FHIT: variants seen among roughly 807,000 people sequenced by gnomAD.
FHIT encodes the protein bis(5'-adenosyl)-triphosphatase.
In FHIT, 19 loss-of-function variants were observed where a neutral mutation model predicts 17.9. The observed-to-expected ratio is 1.06, with a 90% CI of 0.74 to 1.56. The LOEUF (loss-of-function observed/expected upper bound fraction) is 1.56, where lower values mean the gene tolerates loss of function less well. Ranked by LOEUF, FHIT falls within the 40% of genes most tolerant of loss-of-function variation. FHIT has a pLI of 0.00. For synonymous variants in FHIT, 81 were observed against 69.7 expected (o/e 1.16, Z -0.81); for missense variants, 248 against 189.2 (o/e 1.31, Z -1.82).
intron 3 of FHIT, among the ~76,000 whole-genome samples, chr3:60,977,852 C>G (rs892910500): frequency 4.6e-5 from 7 of 152,096 alleles, no homozygotes; most frequent in Non-Finnish European, 8.8e-5. Context: ...GCCTGGACAA[C>G]GAGAGCGAAA....
intron 5 of FHIT, among the ~76,000 whole-genome samples, chr3:60,373,980 G>A (rs1320900056): frequency 6.6e-6 from 1 of 152,060 alleles, no homozygotes; most frequent in Non-Finnish European, 1.5e-5. Context: ...TCTAGTATGT[G>A]GTGAATCTGG....
In FHIT at chr3:61,209,640, C is replaced by T. The variant is rs372542616; in HGVS notation, c.-212-8975G>A. 5.9e-5 allele frequency among the ~76,000 whole-genome samples: 9 copies of T among 152,266 alleles called. No individual in the cohort carries two copies. In the East Asian group the frequency reaches 9.6e-4, roughly 16 times the overall value. ...GCTTGTGCGTTCGTCACGTGGTTCT[C>T]GTGCCTTGGTTTTCAGCTCCATCAA... is the stretch of plus-strand genomic sequence containing the variant. On this transcript the variant is annotated intron_variant, in intron 1 of 9. Coordinates refer to ENST00000492590, the MANE Select transcript of FHIT (RefSeq NM_002012.4).
intron 1 of FHIT, among the ~76,000 whole-genome samples, chr3:61,239,578 G>T (rs2040317143): frequency 6.6e-6 from 1 of 151,554 alleles, no homozygotes; most frequent in South Asian, 2.1e-4. Context: ...CTTCCTTCTT[G>T]TACTTGACAT....
At chr3:61,122,376 AT>A (rs1292194095) in intron 2 of FHIT, among the ~76,000 whole-genome samples, 2 of 152,244 alleles carry the variant, frequency 1.3e-5, no homozygotes, top group Non-Finnish European at 2.9e-5. Context: ...ACAGACTTAA[AT>A]GTTAGACCTA....
At chr3:60,067,082 C>T (rs1702547485) in intron 5 of FHIT, among the ~76,000 whole-genome samples, 1 of 152,096 alleles carries the variant, frequency 6.6e-6, no homozygotes, top group South Asian at 2.1e-4. Context: ...CCCAAATGCA[C>T]AGCATAAGAA....
At chr3:61,234,035 A>T (rs1178796572) in intron 1 of FHIT, among the ~76,000 whole-genome samples, 1 of 152,232 alleles carries the variant, frequency 6.6e-6, no homozygotes, top group Non-Finnish European at 1.5e-5. Flanking sequence ...TACATGACAC[A>T]TTAAGGCCAG....
intron 4 of FHIT, among the ~76,000 whole-genome samples, chr3:60,558,156 A>T (rs1382145098): frequency 6.6e-6 from 1 of 151,972 alleles, no homozygotes; most frequent in African/African-American, 2.4e-5. Context: ...TGTTAGAAAC[A>T]GCTCATGGAA....
intron 5 of FHIT, among the ~76,000 whole-genome samples, chr3:60,261,392 C>T (rs1056155231): frequency 2.0e-5 from 3 of 151,898 alleles, no homozygotes; most frequent in African/African-American, 4.8e-5. Flanking sequence ...ATTTCAGAGA[C>T]GGTGAGTATT....
chr3:61,127,403 T>A (rs897535879), intron 2 of FHIT, among the ~76,000 whole-genome samples: 3 of 152,202 alleles, frequency 2.0e-5, no homozygotes, highest in African/African-American at 7.2e-5. Context: ...AGATCTCCAA[T>A]TCTTAAACAG....
At chr3:60,188,872 T>C (rs924669363) in intron 5 of FHIT, among the ~76,000 whole-genome samples, 1 of 149,366 alleles carries the variant, frequency 6.7e-6, no homozygotes. Context: ...CACAAAGCAA[T>C]TTTTTTTTTA....
At chr3:60,824,412 GCC>G (rs1482504476) in intron 3 of FHIT, among the ~76,000 whole-genome samples, 6 of 152,142 alleles carry the variant, frequency 3.9e-5, no homozygotes, top group African/African-American at 1.4e-4. Context: ...CTTCTCAAAT[GCC>G]AGACCAGCCA....
At chr3:60,289,233 CATGGTTCTCTCA>C (rs1225071277) in intron 5 of FHIT, among the ~76,000 whole-genome samples, 1 of 152,132 alleles carries the variant, frequency 6.6e-6, no homozygotes, top group Non-Finnish European at 1.5e-5. Flanking sequence ...ATCTGTTCTC[CATGGTTCTCTCA>C]TTTCAAAATG....
intron 4 of FHIT, among the ~76,000 whole-genome samples, chr3:60,795,844 A>G (rs1411078028): frequency 1.3e-5 from 2 of 151,976 alleles, no homozygotes; most frequent in East Asian, 3.9e-4. Context: ...TGTACTCCCT[A>G]ACTTTTTGAG....
intron 7 of FHIT, among the ~76,000 whole-genome samples, chr3:59,950,226 T>C (rs1707045258): frequency 6.6e-6 from 1 of 152,200 alleles, no homozygotes; most frequent in African/African-American, 2.4e-5. Flanking sequence ...AATATAAGAA[T>C]TGTCACTGCT....
intron 9 of FHIT, chr3:59,751,893 C>T (rs1334122890): frequency 1.1e-5 from 3 of 274,780 alleles, no homozygotes; most frequent in African/African-American, 2.2e-5. Flanking sequence ...ACCTTTTAAA[C>T]AAGAAGTTGT....
At chr3:60,975,734 C>T (rs1179800597) in intron 3 of FHIT, among the ~76,000 whole-genome samples, 1 of 152,148 alleles carries the variant, frequency 6.6e-6, no homozygotes, top group East Asian at 1.9e-4. Context: ...TATGCATATA[C>T]ATTTACAAAA....
chr3:61,097,078 CAAA>C lies in FHIT; in HGVS notation c.-163-54982_-163-54980del, dbSNP rs4020380. 2.3e-3 allele frequency among the ~76,000 whole-genome samples: 232 copies of C among 99,718 alleles called. 1 individual carries two copies. The highest frequency in any genetic ancestry group is 4.4e-3 in the African/African-American group (110 of 24,958). The allele number at this position is 99,718 out of a possible 152,430, so 65.4% of individuals were successfully genotyped here. ...TAGGCAACAGAGTGAGACTCAATCT[CAAA>C]AAAAAAAAAAAAAAAAAAGACGGGG... is the stretch of plus-strand genomic sequence containing the variant. On this transcript the variant is annotated intron_variant, in intron 2 of 9. Coordinates refer to ENST00000492590, the MANE Select transcript of FHIT (RefSeq NM_002012.4).
intron 5 of FHIT, among the ~76,000 whole-genome samples, chr3:60,130,827 G>A (rs1256437424): frequency 1.3e-5 from 1 of 77,792 alleles, no homozygotes; most frequent in Non-Finnish European, 3.1e-5. Flanking sequence ...GTGTGTATAG[G>A]TGTGTACATA....
chr3:60,913,978 G>A (rs1051895830), intron 3 of FHIT, among the ~76,000 whole-genome samples: 19 of 152,172 alleles, frequency 1.2e-4, no homozygotes, highest in South Asian at 4.1e-4. Context: ...TCTGTTGATC[G>A]AATTGAGTCA....
Sources: allele counts gnomAD v4.1 joint callset (sites outside exome capture counted in the v4.1 genomes callset), GRCh38; gene constraint gnomAD v4.1.1; transcripts MANE v1.5; gene names NCBI Gene and HGNC (gene_info 2026-07-23, HGNC 2026-07-21).